TRPC4: variants seen among roughly 807,000 people sequenced by gnomAD.
The protein encoded by TRPC4 is short transient receptor potential channel 4.
TRPC4 carries 49 observed loss-of-function variants against 99.4 expected under a neutral mutation model. The observed-to-expected ratio is 0.49, with a 90% CI of 0.39 to 0.63. The LOEUF (loss-of-function observed/expected upper bound fraction) is 0.63, where lower values mean the gene tolerates loss of function less well. TRPC4 is among the 20% of genes least tolerant of loss of function. TRPC4 has a pLI of 0.00. For missense variants in TRPC4, 898 were observed against 1,152.9 expected, an observed-to-expected ratio of 0.78 and a Z score of 3.20; for synonymous variants, 454 against 425.9, an observed-to-expected ratio of 1.07 and a Z score of -0.81.
chr13:37,796,737 T>C lies in TRPC4; in HGVS notation c.-27-13377A>G, dbSNP rs185631402. Among the ~76,000 whole-genome samples, 496 of 151,894 alleles carry C rather than the reference T, an allele frequency of 3.3e-3. 1 individual carries two copies. The highest frequency in any genetic ancestry group is 0.011 in the African/African-American group (475 of 41,392). On this transcript the variant is annotated intron_variant, in intron 1 of 10. Transcript: ENST00000379705. ...CTTAGCCCTATTTGTCACTGTCCCATTGGCTCTCCTCCTCATTAAGGAATA... is the reference window on the plus strand; with the variant it reads ...CTTAGCCCTATTTGTCACTGTCCCACTGGCTCTCCTCCTCATTAAGGAATA...
intron 8 of TRPC4, among the ~76,000 whole-genome samples, chr13:37,646,306 C>A (rs1285609978): frequency 6.6e-6 from 1 of 152,084 alleles, no homozygotes; most frequent in East Asian, 1.9e-4. Context: ...AAGCGGAAAA[C>A]ATAAAACTAA....
intron 1 of TRPC4, among the ~76,000 whole-genome samples, chr13:37,830,789 AG>A (rs1162155950): frequency 8.3e-6 from 1 of 120,602 alleles, no homozygotes; most frequent in Non-Finnish European, 1.7e-5. Context: ...TATAATATAT[AG>A]TATATATTTT....
rs1310531444 is a variant in TRPC4, at chr13:37,644,296, C to T, written c.2080-4997G>A. Among the ~76,000 whole-genome samples, 3 of 151,898 alleles carry T rather than the reference C, an allele frequency of 2.0e-5. 1 individual carries two copies. The highest frequency in any genetic ancestry group is 6.4e-3 in the Middle Eastern group (2 of 314). The stretch of plus-strand genomic sequence containing the variant: ...AATTATCACTGGAAATGACCGAGAA[C>T]AGGAGAAATGAACAATTTGTGATTC... On this transcript the variant is annotated intron_variant, in intron 8 of 10. Coordinates refer to ENST00000379705, the MANE Select transcript of TRPC4 (RefSeq NM_016179.4).
At chr13:37,691,828 C>T (rs747516464) in intron 4 of TRPC4, among the ~76,000 whole-genome samples, 171 bp downstream of exon 4, 5 of 152,118 alleles carry the variant, frequency 3.3e-5, no homozygotes, top group African/African-American at 7.2e-5. Context: ...GCGGGTCCAC[C>T]GCAGCTTGTA....
chr13:37,717,645 G>C (rs1954723322), intron 3 of TRPC4, among the ~76,000 whole-genome samples: 1 of 152,118 alleles, frequency 6.6e-6, no homozygotes, highest in Non-Finnish European at 1.5e-5. Flanking sequence ...TGTAAATGCA[G>C]AAAGAAGAGA....
chr13:37,637,262 G>A lies in TRPC4; in HGVS notation c.2575C>T (p.Gln859Ter). 6.2e-7 allele frequency: 1 copy of A among 1,613,836 alleles called. No homozygotes were observed. The highest frequency in any genetic ancestry group is 8.5e-7 in the Non-Finnish European group (1 of 1,179,854). Residue 859 changes from glutamine (Q) to a stop codon, truncating the protein, a stop_gained, in exon 11 of 11, where the codon CAA (glutamine) becomes TAA (stop). Coordinates refer to ENST00000379705, the MANE Select transcript of TRPC4 (RefSeq NM_016179.4). LOFTEE classifies it high-confidence loss of function. ...ACAGAGAAGATTTGGTTTGCATTTT[G>A]CTCAGCAGCATTTTGTTTTGATCGT... ...HRRSKQNAAE[Q>*]NANQIFSVSE...
chr13:37,690,747 A>G lies in TRPC4; in HGVS notation c.1234+1252T>C, dbSNP rs577681891. ...GTCCCTATTAACTTTTCTTATTGAC[A>G]ATACTTAAAGTATGGTTTTTATAAT... On this transcript the variant is annotated intron_variant, in intron 4 of 10. Transcript: ENST00000379705. Among the ~76,000 whole-genome samples, 7 of 152,338 alleles carry G rather than the reference A, an allele frequency of 4.6e-5. No individual in the cohort carries two copies. The South Asian group carries it at 6.2e-4, about 14-fold the overall frequency.
intron 4 of TRPC4, among the ~76,000 whole-genome samples, chr13:37,690,130 G>A (rs1422076461): frequency 6.6e-6 from 1 of 152,094 alleles, no homozygotes; most frequent in African/African-American, 2.4e-5. Flanking sequence ...TCTTCTGTAA[G>A]AATTGTTCCA....
At chr13:37,807,375 G>A (rs758177727) in intron 1 of TRPC4, among the ~76,000 whole-genome samples, 5 of 151,900 alleles carry the variant, frequency 3.3e-5, no homozygotes, top group Non-Finnish European at 7.4e-5. Context: ...ATTTACAAGT[G>A]TCAGAATTCA....
intron 1 of TRPC4, among the ~76,000 whole-genome samples, chr13:37,837,635 C>T (rs1368601548): frequency 6.6e-6 from 1 of 152,202 alleles, no homozygotes; most frequent in Non-Finnish European, 1.5e-5. Context: ...TAGGAAATAA[C>T]TAAGCTGCTT....
intron 3 of TRPC4, among the ~76,000 whole-genome samples, chr13:37,699,604 T>G (rs1954036581): frequency 6.6e-6 from 1 of 152,208 alleles, no homozygotes; most frequent in South Asian, 2.1e-4. Flanking sequence ...ACAGATTCTA[T>G]TCTCTGCAGA....
intron 3 of TRPC4, among the ~76,000 whole-genome samples, chr13:37,696,528 T>C (rs1044277459): frequency 6.6e-6 from 1 of 152,242 alleles, no homozygotes. Flanking sequence ...TCATTCTCTA[T>C]AGGAAGAAAA....
chr13:37,652,651 G>A (rs1378078286), intron 7 of TRPC4, among the ~76,000 whole-genome samples: 1 of 1,028 alleles, frequency 9.7e-4, no homozygotes, highest in Non-Finnish European at 3.2e-3. Context: ...AAGTTTATAG[G>A]TTCTGGCTGA....
At chr13:37,837,128 CAGA>C (rs1452730628) in intron 1 of TRPC4, among the ~76,000 whole-genome samples, 1 of 152,222 alleles carries the variant, frequency 6.6e-6, no homozygotes, top group African/African-American at 2.4e-5. Context: ...ACCTAGATTT[CAGA>C]AGATGTATAG....
At chr13:37,700,571 T>C (rs148945377) in intron 3 of TRPC4, among the ~76,000 whole-genome samples, 2 of 152,306 alleles carry the variant, frequency 1.3e-5, no homozygotes, top group East Asian at 3.9e-4. Flanking sequence ...TAAAATGATA[T>C]AAGCGCACTT....
chr13:37,722,445 C>T (rs959366512), intron 3 of TRPC4, among the ~76,000 whole-genome samples: 2 of 152,276 alleles, frequency 1.3e-5, no homozygotes, highest in Admixed American at 6.5e-5. Context: ...TCACTGACTC[C>T]GTACTGGTAA....
At chr13:37,720,441 G>A (rs951541857) in intron 3 of TRPC4, among the ~76,000 whole-genome samples, 3 of 152,028 alleles carry the variant, frequency 2.0e-5, no homozygotes, top group Non-Finnish European at 2.9e-5. Flanking sequence ...ACCGAGCAAT[G>A]AGGTTATTAT....
intron 6 of TRPC4, among the ~76,000 whole-genome samples, chr13:37,657,010 T>C (rs1354318732): frequency 1.3e-5 from 2 of 152,214 alleles, no homozygotes; most frequent in African/African-American, 4.8e-5. Context: ...TGAAATAAGC[T>C]GTGAATTCTA....
chr13:37,771,989 AG>A (rs1956561880), intron 2 of TRPC4, among the ~76,000 whole-genome samples: 1 of 151,632 alleles, frequency 6.6e-6, no homozygotes, highest in Non-Finnish European at 1.5e-5. Context: ...AAGTTGGACT[AG>A]GGGGCAGCTG....
Sources: gnomAD v4.1 joint callset for allele counts (sites outside exome capture counted in the v4.1 genomes callset) on GRCh38, gnomAD v4.1.1 for gene constraint, MANE v1.5 for transcripts, NCBI Gene and HGNC (gene_info 2026-07-23, HGNC 2026-07-21) for gene names.